SEMA4A: variants seen among roughly 807,000 people sequenced by gnomAD.
SEMA4A encodes the protein semaphorin 4A.
A neutral mutation model predicts 72.5 loss-of-function variants in SEMA4A; 52 were observed. That is an observed-to-expected ratio of 0.72 (90% CI 0.57 to 0.90). The LOEUF (loss-of-function observed/expected upper bound fraction) is 0.90, where lower values mean the gene tolerates loss of function less well. Ranked by LOEUF, SEMA4A falls within the 40% of genes least tolerant of loss-of-function variation. The pLI is 0.00. For synonymous variants in SEMA4A, 369 were observed against 393.1 expected (o/e 0.94, Z 0.73); for missense variants, 926 against 959.7 (o/e 0.96, Z 0.46).
At chr1:156,164,490 T>C (rs1653979591) in intron 10 of SEMA4A, among the ~76,000 whole-genome samples, 1 of 152,172 alleles carries the variant, frequency 6.6e-6, no homozygotes, top group African/African-American at 2.4e-5. Context: ...ACTACACTGG[T>C]AGCTTGAAAT....
At chr1:156,158,291 C>T (rs1458146596) in intron 4 of SEMA4A, 97 bp from the exon 5 acceptor site, 2 of 1,271,508 alleles carry the variant, frequency 1.6e-6, no homozygotes, top group Admixed American at 1.7e-5. Flanking sequence ...ACTGCCCCAG[C>T]ATTACCTAGC....
At chr1:156,160,134 A>G (rs1356373558) in intron 6 of SEMA4A, among the ~76,000 whole-genome samples, 1 of 152,112 alleles carries the variant, frequency 6.6e-6, no homozygotes, top group African/African-American at 2.4e-5. Flanking sequence ...GTCACCTTCC[A>G]GGATCAGTAA....
At position 156,154,616 on chromosome 1, in the gene SEMA4A, T is replaced by C. The variant is rs568959821; in HGVS notation, c.38T>C (p.Leu13Pro). The stretch of plus-strand genomic sequence containing the variant: ...GCCCTGGGCCTGGACCCCTGGAGCC[T>C]CCTGGGCCTTTTCCTCTTCCAACTG... ...LPALGLDPWS[L>P]LGLFLFQLLQ... The change falls in exon 2 of 15, where the codon CTC (leucine) becomes CCC (proline). Residue 13 changes from leucine to proline, a missense_variant. Leu to Pro is a moderately conservative substitution (Grantham distance 98). Coordinates refer to ENST00000368285, the MANE Select transcript of SEMA4A (RefSeq NM_022367.4). The C allele has an allele frequency of 1.1e-4, 170 of 1,610,878 alleles. 1 individual carries two copies. Among genetic ancestry groups the C allele is most frequent in the South Asian group, 1.8e-4 (16 of 90,322 alleles).
In SEMA4A at chr1:156,158,479, C is replaced by G; in HGVS notation, c.455C>G (p.Thr152Ser). 6.2e-7 allele frequency: 1 copy of G among 1,611,930 alleles called. No homozygotes were observed. The change falls in exon 5 of 15, where the codon ACC (threonine) becomes AGC (serine). Residue 152 changes from threonine (T) to serine (S), a missense_variant. Physicochemically the swap from Thr to Ser is moderately conservative, Grantham distance 58. Transcript: ENST00000368285. The part of the protein sequence containing the change: ...CGTFAFSPAC[T>S]FIELQDSYLL... ...ACCTTCGCCTTCAGCCCTGCTTGTACCTTCATTGTGAGTTCTCTGGTGCCC... is the reference window on the plus strand; with the variant it reads ...ACCTTCGCCTTCAGCCCTGCTTGTAGCTTCATTGTGAGTTCTCTGGTGCCC...
intron 1 of SEMA4A, chr1:156,154,305 A>G (rs1572386267): frequency 3.8e-6 from 2 of 529,324 alleles, no homozygotes; most frequent in East Asian, 3.2e-5. Context: ...CAACAGAAGA[A>G]GCAGGATAGG....
chr1:156,155,489 A>AC (rs1652925584), intron 2 of SEMA4A: 1 of 152,562 alleles, frequency 6.6e-6, no homozygotes, highest in Non-Finnish European at 1.5e-5. Flanking sequence ...AAGGGGGAAG[A>AC]CATGAGCAAT....
At position 156,154,505 on chromosome 1, in the gene SEMA4A, T is replaced by C. The variant is rs1652817500; in HGVS notation, c.-29-45T>C. 3.1e-5 allele frequency: 48 copies of C among 1,540,596 alleles called. No homozygotes were observed. The South Asian group carries it at 5.5e-4, about 18-fold the overall frequency. On this transcript the variant is annotated intron_variant, in intron 1 of 14. Transcript: ENST00000368285. ...CCTATTGGTCCTCGGGGGGATGTGG[T>C]AAGAACTGCTCACCCAGAAAGTGCC...
intron 10 of SEMA4A, 128 bp from the exon 11 acceptor site, chr1:156,172,698 C>A: frequency 1.1e-6 from 1 of 911,512 alleles, no homozygotes; most frequent in Non-Finnish European, 1.8e-6. Flanking sequence ...AGAGTCGGAG[C>A]TTTAACCACC....
intron 10 of SEMA4A, among the ~76,000 whole-genome samples, chr1:156,171,289 G>A (rs960508740): frequency 8.5e-5 from 13 of 152,160 alleles, no homozygotes; most frequent in African/African-American, 3.1e-4. Flanking sequence ...TCAAGACACG[G>A]GTGTCCCAGA....
At chr1:156,158,009 C>T in intron 3 of SEMA4A, 61 bp from the exon 4 acceptor site, 1 of 1,559,070 alleles carries the variant, frequency 6.4e-7, no homozygotes, top group South Asian at 1.1e-5. Flanking sequence ...GGAGGCAGGT[C>T]ACAGCTAGAA....
At position 156,176,690 on chromosome 1, in the gene SEMA4A, A is replaced by C; in HGVS notation, c.1979A>C (p.His660Pro). ...DPELAGIPRE[H>P]VKVPLTRVSG... ...GAACTGGCAGGCATCCCCCGGGAGC[A>C]TGTGAAGGTCCCGTTGACCAGGGTC... The change falls in exon 15 of 15, where the codon CAT (histidine) becomes CCT (proline). Residue 660 changes from histidine (H) to proline (P), a missense_variant. Coordinates refer to ENST00000368285, the MANE Select transcript of SEMA4A (RefSeq NM_022367.4). 6.2e-7 allele frequency: 1 copy of C among 1,614,098 alleles called. No individual in the cohort carries two copies. The highest frequency in any genetic ancestry group is 8.5e-7 in the Non-Finnish European group (1 of 1,179,952).
intron 11 of SEMA4A, among the ~76,000 whole-genome samples, chr1:156,174,190 C>T (rs1655083215): frequency 1.3e-5 from 2 of 152,074 alleles, no homozygotes; most frequent in African/African-American, 2.4e-5. Context: ...GCAGACTGCT[C>T]AGGCAGGATA....
At chr1:156,172,526 C>T (rs1480578709) in intron 10 of SEMA4A, among the ~76,000 whole-genome samples, 1 of 152,158 alleles carries the variant, frequency 6.6e-6, no homozygotes, top group Non-Finnish European at 1.5e-5. Context: ...TTAACATTTG[C>T]TGAGTGCTTG....
At chr1:156,156,109 C>T (rs977010866) in intron 2 of SEMA4A, 12 of 403,610 alleles carry the variant, frequency 3.0e-5, no homozygotes, top group South Asian at 2.1e-4. Flanking sequence ...AGGACCAAGG[C>T]GTCCTCCCCG....
Position 156,177,440 on chromosome 1 carries a change from T to C in SEMA4A, c.*443T>C, listed in dbSNP as rs930017379. 3.6e-6 allele frequency: 1 copy of C among 274,164 alleles called. No individual in the cohort carries two copies. Among genetic ancestry groups the C allele is most frequent in the Non-Finnish European group, 7.2e-6 (1 of 139,672 alleles). 17.0% of individuals were successfully genotyped at this position (274,164 alleles called of 1,614,324 possible). On this transcript the variant is annotated 3_prime_UTR_variant, in exon 15 of 15. Transcript: ENST00000368285. ...AAACTCCACTCTGAAGCTGCCGCTT[T>C]GGACACCAACACTCCCTTCTCCCAG...
chr1:156,153,456 G>C (rs1313340403), upstream of SEMA4A: 1 of 152,258 alleles, frequency 6.6e-6, no homozygotes, highest in Non-Finnish European at 1.5e-5. Flanking sequence ...AGGAGGGAGA[G>C]AGAGGTGTGT....
intron 13 of SEMA4A, 143 bp from the exon 14 acceptor site, chr1:156,175,413 T>A (rs1356692590): frequency 8.9e-7 from 1 of 1,122,800 alleles, no homozygotes; most frequent in Non-Finnish European, 1.3e-6. Flanking sequence ...GTTTTGAAGC[T>A]GCTCTGGCCA....
chr1:156,176,364 A>C (rs537729121), intron 14 of SEMA4A, 41 bp from the exon 15 acceptor site: 1 of 1,454,132 alleles, frequency 6.9e-7, no homozygotes, highest in South Asian at 1.2e-5. Context: ...TCCATCCTTC[A>C]CTTCTCCCTT....
chr1:156,163,847 G>A (rs1006405989), intron 10 of SEMA4A, among the ~76,000 whole-genome samples: 12 of 151,722 alleles, frequency 7.9e-5, no homozygotes, highest in Admixed American at 2.0e-4. Context: ...GACCAGCCTG[G>A]GCAACATTGT....
Sources: allele counts gnomAD v4.1 joint callset (sites outside exome capture counted in the v4.1 genomes callset), GRCh38; gene constraint gnomAD v4.1.1; transcripts MANE v1.5; gene names NCBI Gene and HGNC (gene_info 2026-07-23, HGNC 2026-07-21).